The following FAM185A variants were observed in gnomAD, a reference collection of about 807,000 sequenced individuals.
The protein encoded by FAM185A is protein FAM185A.
A neutral mutation model predicts 45.7 loss-of-function variants in FAM185A; 21 were observed. That is an observed-to-expected ratio of 0.46 (90% confidence interval 0.33 to 0.66). The LOEUF (loss-of-function observed/expected upper bound fraction) is 0.66, where lower values mean the gene tolerates loss of function less well. Among genes scored for constraint, FAM185A ranks in the 30% least tolerant of loss-of-function variants. FAM185A has a pLI of 0.03. For missense variants in FAM185A, 305 were observed against 485.4 expected (o/e 0.63, Z 3.49); for synonymous variants, 117 against 194.0 (o/e 0.60, Z 3.30).
At chr7:102,767,071 C>T (rs1794453879) in intron 4 of FAM185A, among the ~76,000 whole-genome samples, 1 of 151,922 alleles carries the variant, frequency 6.6e-6, no homozygotes, top group Admixed American at 6.6e-5. Flanking sequence ...GCTGGAATTA[C>T]AGGCATGAGC....
chr7:102,787,876 G>C (rs1356874393), intron 7 of FAM185A, among the ~76,000 whole-genome samples: 1 of 152,180 alleles, frequency 6.6e-6, no homozygotes, highest in Non-Finnish European at 1.5e-5. Flanking sequence ...CAAATTCTCA[G>C]TCCCACAAAT....
chr7:102,796,674 T>C (rs910779487), intron 7 of FAM185A, among the ~76,000 whole-genome samples: 1 of 152,160 alleles, frequency 6.6e-6, no homozygotes, highest in African/African-American at 2.4e-5. Context: ...TAGCATTGAA[T>C]CAAAGATCAT....
intron 4 of FAM185A, among the ~76,000 whole-genome samples, chr7:102,765,906 A>T (rs1794362432): frequency 6.6e-6 from 1 of 151,998 alleles, no homozygotes; most frequent in South Asian, 2.1e-4. Context: ...TACTATCTTG[A>T]TTTCCTTCTA....
At chr7:102,788,057 C>T (rs1275763386) in intron 7 of FAM185A, among the ~76,000 whole-genome samples, 1 of 152,094 alleles carries the variant, frequency 6.6e-6, no homozygotes, top group Admixed American at 6.6e-5. Context: ...CTCCGCCTCC[C>T]GGGTTCAAAC....
the FAM185A span, among the ~76,000 whole-genome samples, chr7:102,836,838 T>C: frequency 6.6e-6 from 1 of 152,214 alleles, no homozygotes; most frequent in African/African-American, 2.4e-5. Context: ...TTAAACCACT[T>C]TGACAGGTGG....
At chr7:102,786,751 C>G (rs941066810) in intron 6 of FAM185A, among the ~76,000 whole-genome samples, 9 of 151,718 alleles carry the variant, frequency 5.9e-5, no homozygotes, top group African/African-American at 1.9e-4. Flanking sequence ...ATGGGTGCAG[C>G]ACACCAACAT....
At chr7:102,832,984 A>T in the FAM185A span, 8 of 1,613,980 alleles carry the variant, frequency 5.0e-6, no homozygotes, top group Non-Finnish European at 5.1e-6. Context: ...CCTGCAAAAA[A>T]TTCCAAGGTC....
intron 6 of FAM185A, among the ~76,000 whole-genome samples, chr7:102,781,033 G>A (rs1373198228): frequency 1.3e-5 from 2 of 152,222 alleles, no homozygotes; most frequent in African/African-American, 4.8e-5. Flanking sequence ...ATGGCTCTGA[G>A]GGTCCTATGC....
intron 2 of FAM185A, chr7:102,755,920 T>C: frequency 1.5e-6 from 1 of 679,008 alleles, no homozygotes; most frequent in Non-Finnish European, 2.6e-6. Flanking sequence ...GCTAAAGAAC[T>C]TGCCACTAAA....
chr7:102,833,593 A>AT, the FAM185A span, among the ~76,000 whole-genome samples: 3,105 of 148,492 alleles, frequency 0.021, 127 homozygotes, highest in East Asian at 0.15. Flanking sequence ...CGCCCGGCTA[A>AT]TTCTTTTTTT....
At chr7:102,823,442 G>A in the FAM185A span, among the ~76,000 whole-genome samples, 1 of 152,150 alleles carries the variant, frequency 6.6e-6, no homozygotes, top group African/African-American at 2.4e-5. Context: ...CAGATGTTTG[G>A]AAGCAAGGGG....
chr7:102,850,254 C>T, the FAM185A span, among the ~76,000 whole-genome samples: 29,164 of 151,822 alleles, frequency 0.19, 3,064 homozygotes, highest in East Asian at 0.43. Flanking sequence ...CTGGACCCCA[C>T]AGAATCAAAA....
chr7:102,836,013 T>G, the FAM185A span, among the ~76,000 whole-genome samples: 1 of 152,160 alleles, frequency 6.6e-6, no homozygotes, highest in African/African-American at 2.4e-5. Context: ...ATTTAAACTA[T>G]AAGAATAATT....
chr7:102,849,404 A>G, the FAM185A span, among the ~76,000 whole-genome samples: 1 of 152,156 alleles, frequency 6.6e-6, no homozygotes, highest in Non-Finnish European at 1.5e-5. Context: ...AAATGAGGTA[A>G]TTTTTTATTC....
chr7:102,829,961 C>T, the FAM185A span, among the ~76,000 whole-genome samples: 1 of 152,204 alleles, frequency 6.6e-6, no homozygotes, highest in East Asian at 1.9e-4. Context: ...TCAGGATACT[C>T]ATCTGACCCA....
At chr7:102,827,247 C>G in the FAM185A span, 1 of 409,976 alleles carries the variant, frequency 2.4e-6, no homozygotes, top group Non-Finnish European at 5.2e-6. Flanking sequence ...GGAAGCTGTC[C>G]CAGCTGGGTC....
chr7:102,782,993 T>C lies in FAM185A; in HGVS notation c.932-4342T>C, dbSNP rs917348944. Among the ~76,000 whole-genome samples, 22 of 151,496 alleles carry C rather than the reference T, an allele frequency of 1.5e-4. 1 individual carries two copies. Among genetic ancestry groups the C allele is most frequent in the Non-Finnish European group, 4.4e-5 (3 of 67,950 alleles). On this transcript the variant is annotated intron_variant, in intron 6 of 7. Coordinates refer to ENST00000413034, the MANE Select transcript of FAM185A (RefSeq NM_001145268.2). ...ATAGAAAACAAAAAAAGGCAGGGGT[T>C]GCAATCCTAGTCTCTGATAAAACAG... is the stretch of plus-strand genomic sequence containing the variant.
the FAM185A span, among the ~76,000 whole-genome samples, chr7:102,826,724 CATATATATATATA>C: frequency 1.6e-5 from 1 of 62,712 alleles, no homozygotes; most frequent in Admixed American, 2.4e-4. Context: ...GACCCTGTCT[CATATATATATATA>C]TATATATATA....
intron 4 of FAM185A, among the ~76,000 whole-genome samples, chr7:102,763,902 A>C (rs1392328352): frequency 1.3e-5 from 2 of 152,242 alleles, no homozygotes; most frequent in East Asian, 3.9e-4. Context: ...CTGTCGTTAA[A>C]GAATTCAGAG....
Sources: allele counts gnomAD v4.1 joint callset (sites outside exome capture counted in the v4.1 genomes callset), GRCh38; gene constraint gnomAD v4.1.1; transcripts MANE v1.5; gene names NCBI Gene and HGNC (gene_info 2026-07-23, HGNC 2026-07-21).